Variants in DAB2IP observed in about 807,000 individuals in gnomAD.
DAB2IP encodes DAB2 interacting protein, also known as disabled homolog 2-interacting protein.
Under a neutral mutation model 107.2 loss-of-function variants are expected in DAB2IP, and 28 were observed. The observed-to-expected ratio is 0.26, with a 90% CI of 0.19 to 0.36. The LOEUF (loss-of-function observed/expected upper bound fraction) is 0.36. Ranked by LOEUF, DAB2IP falls within the 10% of genes least tolerant of loss-of-function variation. DAB2IP has a pLI of 1.00. For missense variants in DAB2IP, 1,400 were observed against 1,644.7 expected (o/e 0.85, Z 2.57); for synonymous variants, 755 against 706.4 (o/e 1.07, Z -1.09).
chr9:121,705,799 C>T (rs1336139922), intron 3 of DAB2IP, among the ~76,000 whole-genome samples: 1 of 152,232 alleles, frequency 6.6e-6, no homozygotes, highest in Non-Finnish European at 1.5e-5. Context: ...TGCTTTCATT[C>T]TCCTCCAGGT....
intron 1 of DAB2IP, among the ~76,000 whole-genome samples, chr9:121,616,716 C>T (rs1277011316): frequency 6.6e-6 from 1 of 152,240 alleles, no homozygotes; most frequent in Non-Finnish European, 1.5e-5. Context: ...CTCTTCGCCA[C>T]AGGCAGGTCA....
upstream of DAB2IP, among the ~76,000 whole-genome samples, chr9:121,649,982 A>G (rs1286508741): frequency 6.6e-6 from 1 of 152,248 alleles, no homozygotes; most frequent in Non-Finnish European, 1.5e-5. Flanking sequence ...TTCTTAAAGC[A>G]TGATGAGGTT....
intron 3 of DAB2IP, among the ~76,000 whole-genome samples, chr9:121,731,794 T>G (rs1831555871): frequency 6.6e-6 from 1 of 152,080 alleles, no homozygotes; most frequent in Non-Finnish European, 1.5e-5. Flanking sequence ...GAGCAGGATC[T>G]CCCTGCACTA....
At chr9:121,754,987 G>A (rs957538946) in intron 3 of DAB2IP, among the ~76,000 whole-genome samples, 1 of 152,216 alleles carries the variant, frequency 6.6e-6, no homozygotes, top group Non-Finnish European at 1.5e-5. Context: ...CCCAATCCCA[G>A]CCAGTGTGAC....
intron 1 of DAB2IP, among the ~76,000 whole-genome samples, chr9:121,677,503 G>C (rs1013537882): frequency 3.9e-5 from 6 of 152,102 alleles, no homozygotes; most frequent in Non-Finnish European, 8.8e-5. Context: ...CTGAGCGAAA[G>C]AGTGAGACCC....
intron 3 of DAB2IP, among the ~76,000 whole-genome samples, chr9:121,716,086 T>G (rs1830587724): frequency 6.6e-6 from 1 of 152,212 alleles, no homozygotes; most frequent in Non-Finnish European, 1.5e-5. Flanking sequence ...AGGGGGGCTC[T>G]GGAATCTGTA....
chr9:121,664,457 C>T (rs920754226), intron 1 of DAB2IP, among the ~76,000 whole-genome samples: 1 of 152,196 alleles, frequency 6.6e-6, no homozygotes, highest in Non-Finnish European at 1.5e-5. Context: ...ATTGGGATTA[C>T]GTTGACTCTA....
chr9:121,781,743 G>A (rs1265159050), intron 15 of DAB2IP, among the ~76,000 whole-genome samples, 192 bp downstream of exon 15: 2 of 152,162 alleles, frequency 1.3e-5, no homozygotes, highest in Non-Finnish European at 2.9e-5. Flanking sequence ...TGTGAAAGGA[G>A]AGAGGCAGCT....
Position 121,720,883 on chromosome 9 carries a change from A to C in DAB2IP, c.362+21425A>C, listed in dbSNP as rs188229108. ...AGTCAGAGGCAGGAGAACAAAGAGAACCCTTCCTGCCAATGCCACTCTGAC... is the reference window on the plus strand; with the variant it reads ...AGTCAGAGGCAGGAGAACAAAGAGACCCCTTCCTGCCAATGCCACTCTGAC... On this transcript the variant is annotated intron_variant, in intron 3 of 15. Coordinates refer to ENST00000408936, the Ensembl canonical transcript of DAB2IP. Among the ~76,000 whole-genome samples, 916 of 152,044 alleles carry C rather than the reference A, an allele frequency of 6.0e-3. 11 individuals carry two copies. The highest frequency in any genetic ancestry group is 0.021 in the African/African-American group (865 of 41,462).
chr9:121,762,887 G>C (rs1372579620), intron 6 of DAB2IP, among the ~76,000 whole-genome samples: 2 of 152,188 alleles, frequency 1.3e-5, no homozygotes, highest in Non-Finnish European at 2.9e-5. Flanking sequence ...TGATGGGCCT[G>C]GGGCTGCTAC....
Position 121,632,570 on chromosome 9 carries a change from A to T in DAB2IP, c.41-46108A>T, listed in dbSNP as rs142974392. Among the ~76,000 whole-genome samples the T allele has an allele frequency of 3.9e-3, 593 of 152,160 alleles. 7 individuals are homozygous for T. Among genetic ancestry groups the T allele is most frequent in the African/African-American group, 0.013 (546 of 41,506 alleles). ...CACCTCCTCTGCCCAGCTTTCCCTTAGCAAGGCCTCCTCTGGCCCCTCCAG... is the reference window on the plus strand; with the variant it reads ...CACCTCCTCTGCCCAGCTTTCCCTTTGCAAGGCCTCCTCTGGCCCCTCCAG... On this transcript the variant is annotated intron_variant, in intron 1 of 16. Transcript: ENST00000259371.
At chr9:121,653,159 TACTAA>T (rs1832822515) in intron 1 of DAB2IP, among the ~76,000 whole-genome samples, 2 of 111,954 alleles carry the variant, frequency 1.8e-5, no homozygotes, top group Admixed American at 1.8e-4. Context: ...GAATTAACAG[TACTAA>T]GCCTTTAGTA....
chr9:121,758,067 C>T (rs77764744), intron 4 of DAB2IP, among the ~76,000 whole-genome samples: 2,199 of 152,324 alleles, frequency 0.014, 47 homozygotes, highest in Non-Finnish European at 0.022. Flanking sequence ...GACTTCCTTG[C>T]CAGGGATAGG....
chr9:121,767,520 G>C (rs1404209068), intron 9 of DAB2IP, among the ~76,000 whole-genome samples: 1 of 152,250 alleles, frequency 6.6e-6, no homozygotes, highest in African/African-American at 2.4e-5. Flanking sequence ...CTCAAGAGGA[G>C]CAGAGGCTGG....
intron 1 of DAB2IP, among the ~76,000 whole-genome samples, chr9:121,587,415 C>T (rs1291536731): frequency 6.6e-6 from 1 of 152,042 alleles, no homozygotes; most frequent in Non-Finnish European, 1.5e-5. Flanking sequence ...CAAGACCAGC[C>T]TGACCAACAT....
At chr9:121,610,816 C>T (rs761544315) in intron 1 of DAB2IP, among the ~76,000 whole-genome samples, 8 of 152,098 alleles carry the variant, frequency 5.3e-5, no homozygotes, top group Non-Finnish European at 8.8e-5. Context: ...GATGGTTTCA[C>T]GGACCGCCAG....
At chr9:121,632,406 C>G (rs1235311178) in intron 1 of DAB2IP, among the ~76,000 whole-genome samples, 1 of 152,134 alleles carries the variant, frequency 6.6e-6, no homozygotes. Context: ...CAGGGACAAA[C>G]GCGGCCAAGT....
intron 3 of DAB2IP, among the ~76,000 whole-genome samples, chr9:121,743,873 C>T (rs1158357792): frequency 2.3e-5 from 3 of 130,438 alleles, no homozygotes; most frequent in Admixed American, 7.0e-5. Flanking sequence ...CCGGAGCACC[C>T]TGCCCCTCTA....
chr9:121,647,459 A>G (rs997348704), upstream of DAB2IP, among the ~76,000 whole-genome samples: 5 of 152,130 alleles, frequency 3.3e-5, no homozygotes, highest in Non-Finnish European at 7.4e-5. Context: ...CCTCCCCTGC[A>G]TCTGGTGCCC....
Sources: allele counts gnomAD v4.1 joint callset (sites outside exome capture counted in the v4.1 genomes callset), GRCh38; gene constraint gnomAD v4.1.1; transcripts MANE v1.5; gene names NCBI Gene and HGNC (gene_info 2026-07-23, HGNC 2026-07-21).